Variants in DNAH6 observed in about 807,000 individuals in gnomAD.
The protein encoded by DNAH6 is axonemal beta dynein heavy chain 6.
DNAH6 carries 340 observed loss-of-function variants against 491.4 expected under a neutral mutation model. The ratio of observed to expected loss-of-function variants is 0.69; its 90% CI spans 0.63 to 0.76. The LOEUF (loss-of-function observed/expected upper bound fraction) is 0.76, where lower values mean the gene tolerates loss of function less well. Among genes scored for constraint, DNAH6 ranks in the 30% least tolerant of loss-of-function variants. The pLI is 0.00. For synonymous variants in DNAH6, 1,603 were observed against 1,686.1 expected (o/e 0.95, Z 1.21); for missense variants, 4,443 against 4,972.2 (o/e 0.89, Z 3.20).
chr2:84,726,270 G>A (rs1340865131), intron 60 of DNAH6, among the ~76,000 whole-genome samples: 2 of 152,082 alleles, frequency 1.3e-5, no homozygotes, highest in Non-Finnish European at 2.9e-5. Flanking sequence ...TTGATCCCAG[G>A]GATTGGGCAG....
chr2:84,490,723 G>A, the DNAH6 span, among the ~76,000 whole-genome samples: 4 of 151,958 alleles, frequency 2.6e-5, no homozygotes, highest in East Asian at 1.9e-4. Context: ...CACCACACTC[G>A]GCTAATTTTT....
At chr2:84,734,851 CTT>C in intron 62 of DNAH6, among the ~76,000 whole-genome samples, 1 of 152,260 alleles carries the variant, frequency 6.6e-6, no homozygotes, top group Non-Finnish European at 1.5e-5. Flanking sequence ...TAATATCACT[CTT>C]TACTCTGAAT....
intron 9 of DNAH6, among the ~76,000 whole-genome samples, chr2:84,551,161 T>A (rs909156657): frequency 1.3e-5 from 2 of 152,166 alleles, no homozygotes; most frequent in African/African-American, 4.8e-5. Context: ...AACCTGATGC[T>A]CTCAGCCTGA....
At chr2:84,581,476 A>G (rs1683015749) in intron 14 of DNAH6, among the ~76,000 whole-genome samples, 1 of 152,228 alleles carries the variant, frequency 6.6e-6, no homozygotes, top group African/African-American at 2.4e-5. Flanking sequence ...ATTTTCATAC[A>G]AAGAGCATAG....
chr2:84,634,582 G>T lies in DNAH6; in HGVS notation c.4594G>T (p.Glu1532Ter), dbSNP rs1284914673. 1.3e-6 allele frequency: 2 copies of T among 1,550,716 alleles called. No individual in the cohort carries two copies. Among genetic ancestry groups the T allele is most frequent in the African/African-American group, 2.7e-5 (2 of 73,044 alleles). Reference protein sequence around the residue: ...CFDEFNRIDIEVLSVIAQQLI... With the variant: ...CFDEFNRIDI ...TGATGAATTTAATCGAATTGACATA[G>T]AAGTTCTGTCCGTCATCGCGCAGCA... is the stretch of plus-strand genomic sequence containing the variant. Residue 1532 changes from glutamate to a stop codon, truncating the protein, a stop_gained, in exon 30 of 77, where the codon GAA (glutamate) becomes TAA (stop). Coordinates refer to ENST00000389394, the MANE Select transcript of DNAH6 (RefSeq NM_001370.2). LOFTEE classifies it high-confidence loss of function.
chr2:84,751,253 T>G (rs890615), intron 63 of DNAH6: 42,542 of 152,120 alleles, frequency 0.28, 7,399 homozygotes, highest in African/African-American at 0.51. Context: ...AGAAGCCTTA[T>G]AACTAAGACA....
In DNAH6 at chr2:84,814,035, C is replaced by T. The variant is rs564072662; in HGVS notation, c.12063C>T (p.Ser4021=). 11 of 1,551,662 alleles carry T rather than the reference C, an allele frequency of 7.1e-6. 1 individual carries two copies. The East Asian group carries it at 7.3e-5, about 10-fold the overall frequency. The part of the protein sequence containing the change: ...LPIDELSFKY[S]VIPTYRDQAA... The stretch of plus-strand genomic sequence containing the variant: ...TAGATGAGCTGAGTTTCAAATACAG[C>T]GTAATTCCCACCTATCGGGATCAAG... Residue 4021 remains serine (S), a synonymous_variant, in exon 75 of 77, where the codon AGC becomes AGT. Transcript: ENST00000389394.
chr2:84,603,150 CATCTTA>C (rs1203747034), intron 18 of DNAH6, among the ~76,000 whole-genome samples: 1 of 151,984 alleles, frequency 6.6e-6, no homozygotes, highest in Non-Finnish European at 1.5e-5. Context: ...TTTTCACATG[CATCTTA>C]ATTTTTTGTT....
At chr2:84,643,341 C>CT (rs1289167448) in intron 33 of DNAH6, among the ~76,000 whole-genome samples, 1 of 151,650 alleles carries the variant, frequency 6.6e-6, no homozygotes, top group East Asian at 1.9e-4. Flanking sequence ...AAGTGACCTG[C>CT]TTCGGTATAA....
intron 17 of DNAH6, 91 bp from the exon 18 acceptor site, chr2:84,595,555 G>A: frequency 8.8e-7 from 1 of 1,141,852 alleles, no homozygotes; most frequent in Non-Finnish European, 1.2e-6. Flanking sequence ...GTGTAGATTT[G>A]GATTAACTTT....
chr2:84,521,366 G>T (rs1047378162), intron 2 of DNAH6, among the ~76,000 whole-genome samples: 2 of 151,940 alleles, frequency 1.3e-5, no homozygotes, highest in African/African-American at 4.8e-5. Context: ...GTAGATTCTG[G>T]ATATTAGACC....
the DNAH6 span, among the ~76,000 whole-genome samples, chr2:84,505,704 C>A: frequency 6.6e-6 from 1 of 152,118 alleles, no homozygotes; most frequent in African/African-American, 2.4e-5. Flanking sequence ...GCTATCCCTC[C>A]CCACTCCCTC....
chr2:84,514,015 T>C (rs530814969), upstream of DNAH6, among the ~76,000 whole-genome samples: 3 of 152,208 alleles, frequency 2.0e-5, no homozygotes, highest in Admixed American at 1.3e-4. Flanking sequence ...TGTAGTTTGC[T>C]CTTCCATTTT....
the DNAH6 span, among the ~76,000 whole-genome samples, chr2:84,463,024 G>A: frequency 1.3e-5 from 2 of 152,168 alleles, no homozygotes; most frequent in Non-Finnish European, 2.9e-5. Flanking sequence ...GTTACAAGGA[G>A]GCCAGCCAAA....
At chr2:84,562,660 G>T (rs991779167) in intron 11 of DNAH6, among the ~76,000 whole-genome samples, 5 of 152,144 alleles carry the variant, frequency 3.3e-5, no homozygotes, top group African/African-American at 1.2e-4. Context: ...AAGGGAAAAG[G>T]CACATGGGAT....
Position 84,529,313 on chromosome 2 carries a change from T to G in DNAH6, c.662+147T>G, listed in dbSNP as rs1344137382. 33 of 665,876 alleles carry G rather than the reference T, an allele frequency of 5.0e-5. No homozygotes were observed. The East Asian group carries it at 8.7e-4, about 18-fold the overall frequency. 41.2% of individuals were successfully genotyped at this position (665,876 alleles called of 1,614,324 possible). On this transcript the variant is annotated intron_variant, in intron 4 of 76. Transcript: ENST00000389394. ...GATAAATGAATCCTAATCACAACAA[T>G]TTTGTATTTTTTCATTTATCTTCCC...
chr2:84,591,532 C>T (rs1443998936), intron 16 of DNAH6, among the ~76,000 whole-genome samples: 2 of 152,110 alleles, frequency 1.3e-5, no homozygotes, highest in Admixed American at 6.5e-5. Flanking sequence ...ACCTGTACTA[C>T]CCAAAGTGAC....
At chr2:84,490,037 C>A in the DNAH6 span, among the ~76,000 whole-genome samples, 1 of 152,102 alleles carries the variant, frequency 6.6e-6, no homozygotes, top group East Asian at 1.9e-4. Context: ...AAGACCAATA[C>A]CCCCACCATA....
In DNAH6 at chr2:84,812,492, T is replaced by G. The variant is rs1462680403; in HGVS notation, c.11891T>G (p.Val3964Gly). The change falls in exon 73 of 77, where the codon GTC becomes GGC. Residue 3964 changes from valine to glycine, a missense_variant. Coordinates refer to ENST00000389394, the MANE Select transcript of DNAH6 (RefSeq NM_001370.2). ...TCCCTGAAGCCACTAGGATCATGGG[T>G]CAAAGACCTTATCCTGAGGACCTCA... ...YPSLKPLGSW[V>G]KDLILRTSFV... The G allele has an allele frequency of 6.4e-7, 1 of 1,551,436 alleles. No homozygotes were observed. The highest frequency in any genetic ancestry group is 1.4e-5 in the African/African-American group (1 of 73,014).
Sources: gnomAD v4.1 joint callset for allele counts (sites outside exome capture counted in the v4.1 genomes callset) on GRCh38, gnomAD v4.1.1 for gene constraint, MANE v1.5 for transcripts, NCBI Gene and HGNC (gene_info 2026-07-23, HGNC 2026-07-21) for gene names.